The following MSL3B variants were observed in gnomAD, a reference collection of about 807,000 sequenced individuals.
The protein encoded by MSL3B is MSL complex subunit 3 pseudogene 1.
At chr2:233,864,669 T>TA in the MSL3B span, among the ~76,000 whole-genome samples, 1 of 152,240 alleles carries the variant, frequency 6.6e-6, no homozygotes, top group Non-Finnish European at 1.5e-5. Context: ...GAAGTTATTT[T>TA]AAAAACATTT....
At chr2:233,865,933 A>G in the MSL3B span, 2 of 340,026 alleles carry the variant, frequency 5.9e-6, no homozygotes, top group Non-Finnish European at 1.1e-5. Flanking sequence ...GAACACTTTC[A>G]GGCACCTAGG....
chr2:233,867,240 T>C, the MSL3B span: 1 of 764,768 alleles, frequency 1.3e-6, no homozygotes, highest in Non-Finnish European at 2.4e-6. Context: ...ACTTCAGTCT[T>C]TTCTTCAATA....
the MSL3B span, chr2:233,867,595 C>A: frequency 4.5e-6 from 1 of 220,766 alleles, no homozygotes; most frequent in South Asian, 6.4e-5. Context: ...CCTGCCTCAG[C>A]CTCCAGAGTA....
At chr2:233,866,212 G>A in the MSL3B span, 7 of 670,784 alleles carry the variant, frequency 1.0e-5, no homozygotes, top group East Asian at 3.4e-5. Flanking sequence ...AGAAGTCATC[G>A]TGGTATTCTG....
chr2:233,866,580 G>A, the MSL3B span: 5 of 870,762 alleles, frequency 5.7e-6, no homozygotes, highest in South Asian at 3.9e-5. Flanking sequence ...TGCTGCCAGC[G>A]CTTGGGCTGA....
At chr2:233,866,957 G>C in the MSL3B span, 14 of 1,381,596 alleles carry the variant, frequency 1.0e-5, no homozygotes, top group Non-Finnish European at 1.4e-5. Flanking sequence ...CTTTTCTGCT[G>C]GGATATAAGG....
chr2:233,866,535 G>C, the MSL3B span: 3 of 1,096,102 alleles, frequency 2.7e-6, no homozygotes, highest in Non-Finnish European at 4.2e-6. Context: ...TTTTCCAGGT[G>C]CAGGAACAGC....
chr2:233,866,557 G>C, the MSL3B span: 5 of 936,594 alleles, frequency 5.3e-6, no homozygotes, highest in East Asian at 1.2e-4. Flanking sequence ...TGGGCACACT[G>C]GTGGACATGT....
At chr2:233,868,241 C>G in the MSL3B span, 1 of 387,816 alleles carries the variant, frequency 2.6e-6, no homozygotes, top group African/African-American at 2.1e-5. Flanking sequence ...CTAGGTCGGA[C>G]GGCGTCCGAC....
chr2:233,867,145 C>G, the MSL3B span: 1 of 814,196 alleles, frequency 1.2e-6, no homozygotes, highest in South Asian at 1.3e-5. Flanking sequence ...CATCCTCCAG[C>G]TGCCTCTTCA....
chr2:233,865,973 C>T, the MSL3B span: 3 of 368,554 alleles, frequency 8.1e-6, no homozygotes, highest in Non-Finnish European at 1.6e-5. Context: ...AACTACAGTA[C>T]ATGGGGAACT....
the MSL3B span, chr2:233,866,353 A>G: frequency 1.2e-6 from 1 of 839,404 alleles, no homozygotes; most frequent in Admixed American, 1.7e-5. Context: ...CGTAAATGTA[A>G]GAGGGTGGAG....
chr2:233,865,180 A>G, the MSL3B span, among the ~76,000 whole-genome samples: 1 of 152,218 alleles, frequency 6.6e-6, no homozygotes, highest in Non-Finnish European at 1.5e-5. Context: ...ACTAAATCTT[A>G]TGTGGTCTAA....
the MSL3B span, chr2:233,868,153 G>A: frequency 2.4e-6 from 1 of 411,400 alleles, no homozygotes; most frequent in South Asian, 2.0e-5. Context: ...CCCAGCTTCA[G>A]TTCCAACCGT....
At chr2:233,868,213 A>G in the MSL3B span, 1 of 454,686 alleles carries the variant, frequency 2.2e-6, no homozygotes, top group Non-Finnish European at 4.6e-6. Context: ...CGCCTTTCCC[A>G]ACAATAACAT....
the MSL3B span, chr2:233,866,608 A>G: frequency 1.2e-6 from 1 of 810,840 alleles, no homozygotes; most frequent in Non-Finnish European, 2.2e-6. Flanking sequence ...TGCTGCTCTT[A>G]GAAAGCCTGT....
the MSL3B span, chr2:233,866,257 T>C: frequency 1.4e-6 from 1 of 721,472 alleles, no homozygotes; most frequent in Non-Finnish European, 2.6e-6. Flanking sequence ...AGTGCTTCAA[T>C]AAAGCCTTCA....
chr2:233,867,135 C>T, the MSL3B span: 1 of 823,326 alleles, frequency 1.2e-6, no homozygotes, highest in Non-Finnish European at 2.2e-6. Context: ...TAGTAACAAT[C>T]ATCCTCCAGC....
At chr2:233,867,102 C>G in the MSL3B span, 1 of 999,336 alleles carries the variant, frequency 1.0e-6, no homozygotes, top group African/African-American at 1.6e-5. Context: ...GGAAGTTGCA[C>G]TAACCGTTTC....
Sources: allele counts gnomAD v4.1 joint callset (sites outside exome capture counted in the v4.1 genomes callset), GRCh38; gene constraint gnomAD v4.1.1; transcripts MANE v1.5; gene names NCBI Gene and HGNC (gene_info 2026-07-23, HGNC 2026-07-21).